Variants in IL23R observed in about 807,000 individuals in gnomAD.
IL23R encodes the protein interleukin-23 receptor.
IL23R carries 34 observed loss-of-function variants against 56.9 expected under a neutral mutation model. The observed-to-expected ratio is 0.60, with a 90% CI of 0.45 to 0.80. The LOEUF (loss-of-function observed/expected upper bound fraction) is 0.80. Among genes scored for constraint, IL23R ranks in the 30% least tolerant of loss-of-function variants. The pLI is 0.00. For missense variants in IL23R, 635 were observed against 730.0 expected (o/e 0.87, Z 1.50); for synonymous variants, 230 against 249.2 (o/e 0.92, Z 0.73).
rs534454002 is a variant in IL23R at position 67,239,616 on chromosome 1, C to A, written c.1046-563C>A. ...TGCAGCATAAAGGCAATTTTGATTT[C>A]TTTTTTATTTTTTATTTTTATCTTA... On this transcript the variant is annotated intron_variant, in intron 8 of 10. Transcript: ENST00000347310. 7.9e-5 allele frequency among the ~76,000 whole-genome samples: 12 copies of A among 152,130 alleles called. No homozygotes were observed. In the South Asian group the frequency reaches 8.3e-4, roughly 11 times the overall value.
At chr1:67,177,878 C>A (rs1647032673) in intron 3 of IL23R, among the ~76,000 whole-genome samples, 1 of 151,018 alleles carries the variant, frequency 6.6e-6, no homozygotes, top group Non-Finnish European at 1.5e-5. Context: ...ATAGGGAATC[C>A]TTTCCCTATT....
At chr1:67,225,768 C>A (rs1162539817) in intron 7 of IL23R, among the ~76,000 whole-genome samples, 1 of 151,646 alleles carries the variant, frequency 6.6e-6, no homozygotes, top group Non-Finnish European at 1.5e-5. Flanking sequence ...CCTTGGCCTC[C>A]CAGAGTGCTG....
intron 8 of IL23R, among the ~76,000 whole-genome samples, chr1:67,238,375 A>G (rs1052616625): frequency 1.3e-5 from 2 of 151,640 alleles, no homozygotes; most frequent in African/African-American, 4.8e-5. Context: ...GAAGAAAAAG[A>G]AAAAGAAACA....
intron 5 of IL23R, among the ~76,000 whole-genome samples, chr1:67,205,711 G>T (rs1014026365): frequency 8.5e-5 from 13 of 152,182 alleles, no homozygotes; most frequent in African/African-American, 3.1e-4. Context: ...AAGCCTTAGA[G>T]TCTTATGAGA....
intron 1 of IL23R, among the ~76,000 whole-genome samples, chr1:67,143,167 C>T (rs1335128212): frequency 1.3e-5 from 2 of 152,000 alleles, no homozygotes; most frequent in Non-Finnish European, 2.9e-5. Flanking sequence ...CTGTCTGTGA[C>T]TCAAGACACA....
chr1:67,166,027 A>G (rs1646870476), upstream of IL23R, among the ~76,000 whole-genome samples: 1 of 152,270 alleles, frequency 6.6e-6, no homozygotes, highest in African/African-American at 2.4e-5. Context: ...TAATAACTTC[A>G]CAAAATATGT....
chr1:67,180,909 GT>G lies in IL23R; in HGVS notation c.368-1925del, dbSNP rs1393502333. Among the ~76,000 whole-genome samples, 3 of 152,324 alleles carry G rather than the reference GT, an allele frequency of 2.0e-5. No individual in the cohort carries two copies. In the East Asian group the frequency reaches 5.8e-4, roughly 29 times the overall value. ...AGTTTGGCTGGATATGAAAATCTGA[GT>G]TGAAAATTCTTTTCTTTAAGAATGC... is the stretch of plus-strand genomic sequence containing the variant. On this transcript the variant is annotated intron_variant, in intron 3 of 10. Transcript: ENST00000347310.
At chr1:67,155,169 T>C (rs1302551896) in intron 1 of IL23R, among the ~76,000 whole-genome samples, 2 of 152,250 alleles carry the variant, frequency 1.3e-5, no homozygotes, top group Non-Finnish European at 2.9e-5. Context: ...GCTGTTAGTC[T>C]GATGGGCTTC....
At chr1:67,177,926 G>A (rs552770346) in intron 3 of IL23R, among the ~76,000 whole-genome samples, 3,417 of 151,110 alleles carry the variant, frequency 0.023, 300 homozygotes, top group African/African-American at 0.08. Flanking sequence ...TCAGATGGTT[G>A]TAGATGTGTG....
At chr1:67,163,496 A>AAAAAAAAAAAAAAAAAAAAAAAAG (rs1558221020), upstream of IL23R, among the ~76,000 whole-genome samples, 1 of 142,822 alleles carries the variant, frequency 7.0e-6, no homozygotes, top group African/African-American at 2.6e-5. Context: ...AAAAAAAAAA[A>AAAAAAAAAAAAAAAAAAAAAAAAG]AAGACAGAAA....
At chr1:67,158,908 G>A (rs2102541550) in intron 1 of IL23R, among the ~76,000 whole-genome samples, 1 of 132,578 alleles carries the variant, frequency 7.5e-6, no homozygotes, top group African/African-American at 2.8e-5. Context: ...ATCAGTGATT[G>A]ATAGTGAGAC....
At chr1:67,156,228 G>A (rs193284951) in intron 1 of IL23R, among the ~76,000 whole-genome samples, 285 of 152,256 alleles carry the variant, frequency 1.9e-3, no homozygotes, top group African/African-American at 6.6e-3. Flanking sequence ...GGTGTCTGTC[G>A]ACCCCCGTTG....
intron 9 of IL23R, among the ~76,000 whole-genome samples, chr1:67,243,386 T>C (rs989180884): frequency 1.3e-5 from 2 of 152,114 alleles, no homozygotes; most frequent in Non-Finnish European, 2.9e-5. Context: ...GGTATACATG[T>C]GCCATGGTGG....
intron 1 of IL23R, among the ~76,000 whole-genome samples, chr1:67,144,641 G>C (rs533910807): frequency 6.6e-6 from 1 of 152,260 alleles, no homozygotes; most frequent in South Asian, 2.1e-4. Flanking sequence ...TTGATACTCT[G>C]TCAAAGTCCT....
chr1:67,173,538 C>T (rs143796572), intron 3 of IL23R, among the ~76,000 whole-genome samples: 70 of 152,214 alleles, frequency 4.6e-4, no homozygotes, highest in Non-Finnish European at 7.9e-4. Flanking sequence ...TCATTTAAGG[C>T]TCAATTAAAA....
intron 9 of IL23R, among the ~76,000 whole-genome samples, chr1:67,243,358 A>G (rs1651979792): frequency 6.6e-6 from 1 of 151,944 alleles, no homozygotes; most frequent in Non-Finnish European, 1.5e-5. Flanking sequence ...TGTGCAGAAC[A>G]TGCAGGTTCG....
intron 9 of IL23R, among the ~76,000 whole-genome samples, chr1:67,254,137 C>T (rs558591022): frequency 5.3e-4 from 80 of 152,054 alleles, no homozygotes; most frequent in Middle Eastern, 3.4e-3. Flanking sequence ...GGTGCAATCT[C>T]GGCTCACTGC....
intron 3 of IL23R, among the ~76,000 whole-genome samples, chr1:67,182,502 G>A (rs747725338): frequency 2.6e-5 from 4 of 152,174 alleles, no homozygotes; most frequent in Non-Finnish European, 4.4e-5. Flanking sequence ...GTATTAGGGT[G>A]GGAGTGACCC....
chr1:67,217,780 CA>C (rs1426216950), intron 6 of IL23R, among the ~76,000 whole-genome samples: 2 of 151,398 alleles, frequency 1.3e-5, no homozygotes, highest in Admixed American at 1.3e-4. Flanking sequence ...GGGCAGATGA[CA>C]TCCCCCAAAC....
Sources: gnomAD v4.1 joint callset for allele counts (sites outside exome capture counted in the v4.1 genomes callset) on GRCh38, gnomAD v4.1.1 for gene constraint, MANE v1.5 for transcripts, NCBI Gene and HGNC (gene_info 2026-07-23, HGNC 2026-07-21) for gene names.